SLC35F5: variants seen among roughly 807,000 people sequenced by gnomAD.
The protein encoded by SLC35F5 is HCV NS5A-transactivated protein 3.
In SLC35F5, 54 loss-of-function variants were observed where a neutral mutation model predicts 68.6. That is an observed-to-expected ratio of 0.79 (90% CI 0.63 to 0.99). SLC35F5 has a LOEUF of 0.99. SLC35F5 is among the 50% of genes least tolerant of loss of function. The pLI is 0.00. For synonymous variants in SLC35F5, 211 were observed against 205.2 expected, an observed-to-expected ratio of 1.03 and a Z score of -0.24; for missense variants, 567 against 626.9, an observed-to-expected ratio of 0.90 and a Z score of 1.02.
chr2:113,721,406 T>C (rs1395217561), intron 13 of SLC35F5: 4 of 154,142 alleles, frequency 2.6e-5, no homozygotes, highest in Middle Eastern at 1.0e-3. Context: ...ATTAATTGCA[T>C]GTGCATACAT....
chr2:113,743,894 C>A, intron 5 of SLC35F5, 100 bp from the exon 6 acceptor site: 1 of 921,758 alleles, frequency 1.1e-6, no homozygotes, highest in Non-Finnish European at 1.6e-6. Flanking sequence ...CCATCTAAAA[C>A]GTGGTTGTTC....
rs376438996 is a variant in SLC35F5 at position 113,746,312 on chromosome 2, C to T, written c.445G>A (p.Ala149Thr). 6 of 1,613,264 alleles carry T rather than the reference C, an allele frequency of 3.7e-6. No homozygotes were observed. The Admixed American group carries it at 8.3e-5, about 22-fold the overall frequency. The change falls in exon 5 of 16, where the codon GCT becomes ACT. Residue 149 changes from alanine (A) to threonine (T), a missense_variant. Ala to Thr is a moderately conservative substitution (Grantham distance 58, BLOSUM62 0). Coordinates refer to ENST00000245680, the MANE Select transcript of SLC35F5 (RefSeq NM_025181.5). The stretch of plus-strand genomic sequence containing the variant: ...TTCATAGTTGTATCTGTTGTGCAAG[C>T]AGCAAAGTAACCTTCAGCATCTGCA... ...FFADAEGYFA[A>T]CTTDTTMNSS...
At chr2:113,705,176 T>C (rs1203358876), downstream of SLC35F5, 1 of 152,192 alleles carries the variant, frequency 6.6e-6, no homozygotes, top group Non-Finnish European at 1.5e-5. Context: ...GGGGCACTAT[T>C]CATGATTGTC....
At chr2:113,754,325 T>C (rs1250431895) in intron 3 of SLC35F5, among the ~76,000 whole-genome samples, 2 of 151,078 alleles carry the variant, frequency 1.3e-5, no homozygotes, top group Admixed American at 6.6e-5. Flanking sequence ...AAAAAACTTA[T>C]ATACTCATAG....
downstream of SLC35F5, among the ~76,000 whole-genome samples, chr2:113,703,495 G>C (rs1686735260): frequency 2.0e-5 from 3 of 151,952 alleles, no homozygotes; most frequent in South Asian, 6.2e-4. Context: ...AAACCTCACA[G>C]CAAATAGAGA....
chr2:113,733,933 A>C (rs1687989947), intron 9 of SLC35F5, among the ~76,000 whole-genome samples: 1 of 152,246 alleles, frequency 6.6e-6, no homozygotes, highest in Non-Finnish European at 1.5e-5. Flanking sequence ...TATTAAACCA[A>C]CACATCTTTT....
At chr2:113,746,810 T>C (rs1393404291) in intron 4 of SLC35F5, among the ~76,000 whole-genome samples, 1 of 152,022 alleles carries the variant, frequency 6.6e-6, no homozygotes, top group Non-Finnish European at 1.5e-5. Flanking sequence ...GCCTGTCATC[T>C]TAGCTACTCG....
chr2:113,754,793 ACT>A (rs927817631), intron 3 of SLC35F5, among the ~76,000 whole-genome samples: 3 of 152,318 alleles, frequency 2.0e-5, no homozygotes, highest in Admixed American at 1.3e-4. Flanking sequence ...GTCCAAAAGC[ACT>A]CTGAACCTTC....
At chr2:113,730,586 A>G (rs1014626967) in intron 10 of SLC35F5, among the ~76,000 whole-genome samples, 2 of 152,198 alleles carry the variant, frequency 1.3e-5, no homozygotes, top group African/African-American at 4.8e-5. Flanking sequence ...AGAAGTATTC[A>G]AAGAGAAATA....
intron 7 of SLC35F5, among the ~76,000 whole-genome samples, chr2:113,740,214 T>C (rs1438801137): frequency 6.6e-6 from 1 of 152,156 alleles, no homozygotes; most frequent in Non-Finnish European, 1.5e-5. Context: ...GAGTGGGAGC[T>C]GGCTGTGGAA....
intron 13 of SLC35F5, among the ~76,000 whole-genome samples, chr2:113,721,713 TGAA>T (rs1687444689): frequency 6.6e-6 from 1 of 152,142 alleles, no homozygotes; most frequent in African/African-American, 2.4e-5. Context: ...GACCTGAAGA[TGAA>T]GAAGGGCCTA....
intron 5 of SLC35F5, among the ~76,000 whole-genome samples, chr2:113,744,485 G>C (rs1044569133): frequency 2.0e-5 from 3 of 152,104 alleles, no homozygotes; most frequent in African/African-American, 7.2e-5. Flanking sequence ...AGTGGTTCAG[G>C]CCTGTAATCC....
At chr2:113,724,691 G>C (rs1687589378) in intron 12 of SLC35F5, among the ~76,000 whole-genome samples, 1 of 151,980 alleles carries the variant, frequency 6.6e-6, no homozygotes, top group Non-Finnish European at 1.5e-5. Context: ...ATTCACTTAG[G>C]TTTTATTCAT....
rs1358104586 is a variant in SLC35F5, at chr2:113,710,668, C to T, written c.*4550G>A. Among the ~76,000 whole-genome samples, 2 of 151,934 alleles carry T rather than the reference C, an allele frequency of 1.3e-5. No individual in the cohort carries two copies. Among genetic ancestry groups the T allele is most frequent in the Non-Finnish European group, 2.9e-5 (2 of 67,996 alleles). Reference sequence around the variant, plus strand: ...GCACATGCCAGTAGTCCCAACTACTCAGGAGACTGAGGTGGGAGGATGGCT... The same window carrying T: ...GCACATGCCAGTAGTCCCAACTACTTAGGAGACTGAGGTGGGAGGATGGCT... On this transcript the variant is annotated 3_prime_UTR_variant, in exon 16 of 16. Coordinates refer to ENST00000245680, the MANE Select transcript of SLC35F5 (RefSeq NM_025181.5).
rs1687893786 is a variant in SLC35F5 at position 113,731,619 on chromosome 2, G to C, written c.950C>G (p.Ala317Gly). ...TCTTCCAGCAGGTTTTTCAGACCCTGCCAGGTTTACCAGTACAACGCCTCC... is the reference window on the plus strand; with the variant it reads ...TCTTCCAGCAGGTTTTTCAGACCCTCCCAGGTTTACCAGTACAACGCCTCC... Reference protein sequence around the residue: ...SIGGVVLVNLAGSEKPAGRDT... With the variant: ...SIGGVVLVNLGGSEKPAGRDT... Residue 317 changes from alanine to glycine, a missense_variant, in exon 10 of 16, where the codon GCA (alanine) becomes GGA (glycine). By Grantham distance (60) the Ala-to-Gly change is moderately conservative. Transcript: ENST00000245680. 2 of 1,613,108 alleles carry C rather than the reference G, an allele frequency of 1.2e-6. No homozygotes were observed. The highest frequency in any genetic ancestry group is 1.7e-6 in the Non-Finnish European group (2 of 1,179,312).
chr2:113,744,291 A>G (rs953322957), intron 5 of SLC35F5, among the ~76,000 whole-genome samples: 1 of 152,210 alleles, frequency 6.6e-6, no homozygotes, highest in African/African-American at 2.4e-5. Context: ...GTATGTATTT[A>G]TATTTACTAA....
intron 3 of SLC35F5, among the ~76,000 whole-genome samples, chr2:113,751,706 A>T (rs1676747506): frequency 6.6e-6 from 1 of 152,148 alleles, no homozygotes; most frequent in Non-Finnish European, 1.5e-5. Flanking sequence ...GGTACTCTGG[A>T]GGCTGAGGCA....
rs1687050586 is a variant in SLC35F5, at chr2:113,713,151, G to T, written c.*2067C>A. ...AGCAAACAGGTGGGCAAGCAAAGCG[G>T]CAGTGATTCATACTTTCAGTTAACC... On this transcript the variant is annotated 3_prime_UTR_variant, in exon 16 of 16. Coordinates refer to ENST00000245680, the MANE Select transcript of SLC35F5 (RefSeq NM_025181.5). 1 of 152,218 alleles carries T rather than the reference G, an allele frequency of 6.6e-6. No homozygotes were observed. The allele number at this position is 152,218 out of a possible 1,614,324, so 9.4% of individuals were successfully genotyped here.
intron 3 of SLC35F5, 102 bp downstream of exon 3, chr2:113,755,063 T>C (rs765542269): frequency 1.2e-4 from 142 of 1,218,370 alleles, no homozygotes; most frequent in Non-Finnish European, 1.5e-4. Context: ...TTTAAGATAC[T>C]GCTTTTAGAA....
Sources: gnomAD v4.1 joint callset for allele counts (sites outside exome capture counted in the v4.1 genomes callset) on GRCh38, gnomAD v4.1.1 for gene constraint, MANE v1.5 for transcripts, NCBI Gene and HGNC (gene_info 2026-07-23, HGNC 2026-07-21) for gene names.